Variants in ARAP2 observed in about 807,000 individuals in gnomAD.
The protein encoded by ARAP2 is ArfGAP with RhoGAP domain, ankyrin repeat and PH domain 2.
Under a neutral mutation model 194.5 loss-of-function variants are expected in ARAP2, and 148 were observed. That is an observed-to-expected ratio of 0.76 (90% CI 0.67 to 0.87). ARAP2 has a LOEUF of 0.87. Ranked by LOEUF, ARAP2 falls within the 40% of genes least tolerant of loss-of-function variation. ARAP2 has a pLI of 0.00. For missense variants in ARAP2, 2,128 were observed against 1,989.7 expected, an observed-to-expected ratio of 1.07 and a Z score of -1.32; for synonymous variants, 695 against 683.5, an observed-to-expected ratio of 1.02 and a Z score of -0.26.
chr4:36,159,204 C>G, intron 14 of ARAP2, 127 bp downstream of exon 14: 3 of 1,055,850 alleles, frequency 2.8e-6, no homozygotes. Flanking sequence ...GCATCTCCAT[C>G]TTTTTGGTAA....
chr4:36,129,757 C>T (rs1367411905), intron 20 of ARAP2, among the ~76,000 whole-genome samples: 1 of 151,860 alleles, frequency 6.6e-6, no homozygotes, highest in Non-Finnish European at 1.5e-5. Flanking sequence ...ATCACTTCTA[C>T]ATAAACATTT....
intron 9 of ARAP2, among the ~76,000 whole-genome samples, chr4:36,169,617 G>GC (rs564951722): frequency 2.6e-5 from 4 of 151,150 alleles, no homozygotes; most frequent in Non-Finnish European, 5.9e-5. Context: ...TGCAACCTCG[G>GC]CCCCCCCAGG....
At chr4:36,208,647 T>C (rs139565410) in intron 6 of ARAP2, among the ~76,000 whole-genome samples, 71 of 152,302 alleles carry the variant, frequency 4.7e-4, no homozygotes, top group African/African-American at 1.6e-3. Flanking sequence ...AGAGCCTAAT[T>C]AGGAAAGGAA....
At chr4:36,021,156 G>C (rs1307169862) in intron 5 of ARAP2, among the ~76,000 whole-genome samples, 2 of 152,124 alleles carry the variant, frequency 1.3e-5, no homozygotes, top group Admixed American at 6.6e-5. Context: ...AGTTATACTG[G>C]TACTGATTTC....
At chr4:36,215,995 C>A (rs1336663706) in intron 2 of ARAP2, among the ~76,000 whole-genome samples, 1 of 151,098 alleles carries the variant, frequency 6.6e-6, no homozygotes. Flanking sequence ...CCTATTATCA[C>A]AACATCTTGG....
intron 5 of ARAP2, among the ~76,000 whole-genome samples, chr4:36,020,336 G>A (rs111733945): frequency 0.02 from 2,976 of 152,200 alleles, 120 homozygotes; most frequent in African/African-American, 0.068. Context: ...GCTTGAACTC[G>A]GGAGGCAGAG....
intron 30 of ARAP2, among the ~76,000 whole-genome samples, chr4:36,081,039 C>A (rs1729413388): frequency 6.6e-6 from 1 of 152,050 alleles, no homozygotes; most frequent in African/African-American, 2.4e-5. Context: ...TCTTTACATT[C>A]CTGTATTATC....
chr4:36,078,824 T>C (rs1424475984), intron 31 of ARAP2, among the ~76,000 whole-genome samples: 1 of 152,174 alleles, frequency 6.6e-6, no homozygotes, highest in African/African-American at 2.4e-5. Flanking sequence ...CTTTAGACTC[T>C]ATAGTCCCAA....
chr4:36,121,016 AAGCTACTTAT>A (rs951427583), intron 23 of ARAP2, among the ~76,000 whole-genome samples, 153 bp downstream of exon 23: 9 of 151,868 alleles, frequency 5.9e-5, no homozygotes, highest in African/African-American at 1.9e-4. Flanking sequence ...TATAGCTTAA[AAGCTACTTAT>A]ATCTATAATT....
intron 9 of ARAP2, among the ~76,000 whole-genome samples, chr4:36,176,009 C>G (rs1244854033): frequency 6.6e-6 from 1 of 151,974 alleles, no homozygotes; most frequent in East Asian, 1.9e-4. Context: ...GAAAGCATAC[C>G]CTGAAACTCC....
chr4:36,224,668 C>T (rs894294361), intron 2 of ARAP2, among the ~76,000 whole-genome samples: 1 of 151,770 alleles, frequency 6.6e-6, no homozygotes, highest in African/African-American at 2.4e-5. Context: ...AGATAGATAC[C>T]CTCACCTTCT....
chr4:36,094,027 T>C (rs1337492286), intron 27 of ARAP2, among the ~76,000 whole-genome samples: 3 of 152,196 alleles, frequency 2.0e-5, no homozygotes, highest in Admixed American at 1.3e-4. Context: ...CCTACTATTA[T>C]GATGGGTCTA....
intron 32 of ARAP2, among the ~76,000 whole-genome samples, chr4:36,068,890 T>G (rs1389238195): frequency 6.6e-6 from 1 of 152,232 alleles, no homozygotes; most frequent in Admixed American, 6.5e-5. Flanking sequence ...TAAAATGCAA[T>G]CCATGGAAAT....
At chr4:36,122,895 T>C (rs947296942) in intron 22 of ARAP2, among the ~76,000 whole-genome samples, 13 of 151,798 alleles carry the variant, frequency 8.6e-5, no homozygotes, top group African/African-American at 2.9e-4. Flanking sequence ...CAAATGAATG[T>C]AGTAAGACTA....
At chr4:36,218,077 A>T (rs1417271220) in intron 2 of ARAP2, among the ~76,000 whole-genome samples, 1 of 152,184 alleles carries the variant, frequency 6.6e-6, no homozygotes, top group Admixed American at 6.5e-5. Flanking sequence ...GTGATTTATT[A>T]TATAGCTGTA....
chr4:36,023,894 T>A (rs1717439299), intron 5 of ARAP2, among the ~76,000 whole-genome samples: 1 of 152,104 alleles, frequency 6.6e-6, no homozygotes, highest in South Asian at 2.1e-4. Context: ...TTAAAGATTT[T>A]AAAAAATGAC....
rs193212067 is a variant in ARAP2, at chr4:36,178,558, C to A, written c.1679-553G>T. 1.8e-4 allele frequency among the ~76,000 whole-genome samples: 27 copies of A among 152,258 alleles called. No homozygotes were observed. The East Asian group carries it at 4.6e-3, about 26-fold the overall frequency. Reference sequence around the variant, plus strand: ...TAAATAACAATAGCATTTCACCTGGCAAATTAAAATTTGGTTCTCCTACTC... The same window carrying A: ...TAAATAACAATAGCATTTCACCTGGAAAATTAAAATTTGGTTCTCCTACTC... On this transcript the variant is annotated intron_variant, in intron 8 of 32. Coordinates refer to ENST00000303965, the MANE Select transcript of ARAP2 (RefSeq NM_015230.4).
rs114525327 is a variant in ARAP2 at position 36,038,097 on chromosome 4, T to C, written n.607+7882A>G. 8.1e-3 allele frequency among the ~76,000 whole-genome samples: 1,229 copies of C among 152,282 alleles called. 12 individuals are homozygous for C. The highest frequency in any genetic ancestry group is 0.048 in the Middle Eastern group (14 of 294). On this transcript the variant is annotated intron_variant and non_coding_transcript_variant, in intron 5 of 12. Coordinates refer to the ARAP2 transcript ENST00000503225. ...ACCATAGGAGTCAAGTGAATAACATTAGGCCTTTGGATGGCCTGGCATACC... is the reference window on the plus strand; with the variant it reads ...ACCATAGGAGTCAAGTGAATAACATCAGGCCTTTGGATGGCCTGGCATACC...
intron 32 of ARAP2, among the ~76,000 whole-genome samples, chr4:36,071,361 G>C (rs902165515): frequency 6.6e-6 from 1 of 152,138 alleles, no homozygotes; most frequent in African/African-American, 2.4e-5. Context: ...TCAGTAGGAG[G>C]ACCACAGGTA....
Sources: allele counts gnomAD v4.1 joint callset (sites outside exome capture counted in the v4.1 genomes callset), GRCh38; gene constraint gnomAD v4.1.1; transcripts MANE v1.5; gene names NCBI Gene and HGNC (gene_info 2026-07-23, HGNC 2026-07-21).